Variants in MAML2 observed in about 807,000 individuals in gnomAD.
MAML2 encodes the protein mastermind-like protein 2.
A neutral mutation model predicts 96.1 loss-of-function variants in MAML2; 22 were observed. The observed-to-expected ratio is 0.23, with a 90% confidence interval of 0.16 to 0.33. MAML2 has a LOEUF of 0.33. Among genes scored for constraint, MAML2 ranks in the 10% least tolerant of loss-of-function variants. The pLI is 1.00. For missense variants in MAML2, 1,367 were observed against 1,392.4 expected, an observed-to-expected ratio of 0.98 and a Z score of 0.29; for synonymous variants, 561 against 521.3, an observed-to-expected ratio of 1.08 and a Z score of -1.04.
At chr11:96,014,993 A>G (rs1162853524) in intron 2 of MAML2, among the ~76,000 whole-genome samples, 1 of 152,216 alleles carries the variant, frequency 6.6e-6, no homozygotes, top group African/African-American at 2.4e-5. Flanking sequence ...CATAACTATA[A>G]TAACCATCTA....
intron 1 of MAML2, among the ~76,000 whole-genome samples, chr11:96,199,196 CAAAAAAAAAAAAA>C (rs71459791): frequency 3.4e-5 from 2 of 58,590 alleles, no homozygotes; most frequent in Non-Finnish European, 6.2e-5. Context: ...GCCTCCGTCT[CAAAAAAAAAAAAA>C]AAAAAAAAAA....
At position 96,235,935 on chromosome 11, in the gene MAML2, C is replaced by A. The variant is rs147470260; in HGVS notation, c.513+105448G>T. On this transcript the variant is annotated intron_variant, in intron 1 of 4. Coordinates refer to ENST00000524717, the MANE Select transcript of MAML2 (RefSeq NM_032427.4). The stretch of plus-strand genomic sequence containing the variant: ...GTTTTAGACAAGGCAGCACATCTGC[C>A]CACTGCACCCCCTTCCCAAGAAATG... Among the ~76,000 whole-genome samples the A allele has an allele frequency of 7.6e-3, 1,158 of 152,254 alleles. 7 individuals are homozygous for A. The highest frequency in any genetic ancestry group is 0.031 in the Middle Eastern group (9 of 294).
At chr11:96,104,996 A>C (rs1294449919) in intron 1 of MAML2, among the ~76,000 whole-genome samples, 3 of 152,232 alleles carry the variant, frequency 2.0e-5, no homozygotes, top group Non-Finnish European at 2.9e-5. Flanking sequence ...GAGATACTTC[A>C]AGAGGGCTTT....
At chr11:96,264,410 G>A (rs1328443444) in intron 1 of MAML2, among the ~76,000 whole-genome samples, 4 of 152,122 alleles carry the variant, frequency 2.6e-5, no homozygotes, top group Non-Finnish European at 4.4e-5. Context: ...AACAGATTGA[G>A]GCAAAAATAA....
intron 1 of MAML2, among the ~76,000 whole-genome samples, chr11:96,328,286 T>C (rs959638658): frequency 6.6e-6 from 1 of 152,180 alleles, no homozygotes; most frequent in Non-Finnish European, 1.5e-5. Context: ...ACCAAGATAT[T>C]TTCACCTAAA....
intron 2 of MAML2, among the ~76,000 whole-genome samples, chr11:96,073,392 C>T (rs1348882453): frequency 6.7e-6 from 1 of 149,612 alleles, no homozygotes; most frequent in Admixed American, 6.7e-5. Context: ...GCTATCTCAG[C>T]TCACTGCAAG....
At chr11:96,015,745 C>T (rs1442976406) in intron 2 of MAML2, among the ~76,000 whole-genome samples, 2 of 152,110 alleles carry the variant, frequency 1.3e-5, no homozygotes, top group African/African-American at 4.8e-5. Flanking sequence ...GAACTTTGTA[C>T]TTAGACAGAC....
intron 1 of MAML2, among the ~76,000 whole-genome samples, chr11:96,127,567 G>C (rs1256758839): frequency 6.6e-6 from 1 of 152,136 alleles, no homozygotes; most frequent in Non-Finnish European, 1.5e-5. Flanking sequence ...GAAGTTAATA[G>C]GGATATATTT....
Position 96,316,411 on chromosome 11 carries a change from G to C in MAML2, c.513+24972C>G, listed in dbSNP as rs145365455. Among the ~76,000 whole-genome samples the C allele has an allele frequency of 6.1e-3, 932 of 152,318 alleles. 9 individuals carry two copies. The highest frequency in any genetic ancestry group is 0.021 in the African/African-American group (870 of 41,566). On this transcript the variant is annotated intron_variant, in intron 1 of 4. Coordinates refer to ENST00000524717, the MANE Select transcript of MAML2 (RefSeq NM_032427.4). ...ATAAATAAAACAAAGAAGGGGCTAA[G>C]ATACAGAATAACAGAAGAGTAATCT...
At chr11:96,061,417 G>A (rs1324549099) in intron 2 of MAML2, among the ~76,000 whole-genome samples, 1 of 152,164 alleles carries the variant, frequency 6.6e-6, no homozygotes, top group East Asian at 1.9e-4. Flanking sequence ...GGAAAGCCAT[G>A]CAATGCAGGT....
chr11:96,058,830 T>C (rs955846162), intron 2 of MAML2, among the ~76,000 whole-genome samples: 1 of 152,208 alleles, frequency 6.6e-6, no homozygotes, highest in African/African-American at 2.4e-5. Flanking sequence ...TTCTCTATAA[T>C]AGGATTTCCT....
intron 1 of MAML2, among the ~76,000 whole-genome samples, chr11:96,173,872 T>C (rs1343343497): frequency 1.3e-5 from 2 of 152,264 alleles, no homozygotes; most frequent in Admixed American, 1.3e-4. Flanking sequence ...ATATGTACTA[T>C]TGTTTTTGCT....
chr11:96,070,273 C>G, intron 2 of MAML2, among the ~76,000 whole-genome samples: 1 of 152,142 alleles, frequency 6.6e-6, no homozygotes, highest in East Asian at 1.9e-4. Context: ...CTGGGCGACA[C>G]AGCGAGACTC....
intron 1 of MAML2, among the ~76,000 whole-genome samples, chr11:96,151,869 C>T (rs1860929901): frequency 6.6e-6 from 1 of 152,080 alleles, no homozygotes; most frequent in Non-Finnish European, 1.5e-5. Context: ...TAATACAGCC[C>T]TTAGGATTTT....
At chr11:96,103,678 C>T (rs911478365) in intron 1 of MAML2, among the ~76,000 whole-genome samples, 3 of 152,314 alleles carry the variant, frequency 2.0e-5, no homozygotes, top group Non-Finnish European at 4.4e-5. Context: ...CCTTCCCTGT[C>T]TGTTTCTCTC....
At chr11:96,340,354 T>C (rs986325949) in intron 1 of MAML2, among the ~76,000 whole-genome samples, 1 of 152,134 alleles carries the variant, frequency 6.6e-6, no homozygotes, top group Non-Finnish European at 1.5e-5. Flanking sequence ...AGAAGTCCCA[T>C]GGAGCTCCAA....
intron 1 of MAML2, among the ~76,000 whole-genome samples, chr11:96,096,601 CA>C (rs1463395609): frequency 1.3e-5 from 2 of 152,290 alleles, no homozygotes; most frequent in Non-Finnish European, 2.9e-5. Flanking sequence ...TAGGCCCTGA[CA>C]GAGGTAAATG....
rs111609847 is a variant in MAML2, at chr11:96,252,804, A to G, written c.513+88579T>C. Among the ~76,000 whole-genome samples, 403 of 152,328 alleles carry G rather than the reference A, an allele frequency of 2.6e-3. 3 individuals carry two copies. The highest frequency in any genetic ancestry group is 9.5e-3 in the African/African-American group (393 of 41,580). On this transcript the variant is annotated intron_variant, in intron 1 of 4. Coordinates refer to ENST00000524717, the MANE Select transcript of MAML2 (RefSeq NM_032427.4). The stretch of plus-strand genomic sequence containing the variant: ...AAGCATAAGCAGTCTGGCTTCAGTC[A>G]TGTTCTTACACAGCCACATCTTGCT...
chr11:96,165,979 G>A (rs1253451075), intron 1 of MAML2, among the ~76,000 whole-genome samples: 1 of 152,272 alleles, frequency 6.6e-6, no homozygotes, highest in East Asian at 1.9e-4. Context: ...ACAAGACCAT[G>A]AGGACACAGT....
Sources: allele counts gnomAD v4.1 joint callset (sites outside exome capture counted in the v4.1 genomes callset), GRCh38; gene constraint gnomAD v4.1.1; transcripts MANE v1.5; gene names NCBI Gene and HGNC (gene_info 2026-07-23, HGNC 2026-07-21).